Variants in NRG1 observed in about 807,000 individuals in gnomAD.
NRG1 encodes neuregulin 1, also known as pro-neuregulin-1, membrane-bound isoform.
NRG1 carries 18 observed loss-of-function variants against 63.8 expected under a neutral mutation model. The ratio of observed to expected loss-of-function variants is 0.28; its 90% CI spans 0.19 to 0.42. The LOEUF is 0.42. Ranked by LOEUF, NRG1 falls within the 10% of genes least tolerant of loss-of-function variation. The pLI is 1.00. For synonymous variants in NRG1, 302 were observed against 301.3 expected (o/e 1.00, Z -0.02); for missense variants, 762 against 814.7 (o/e 0.94, Z 0.79).
chr8:31,924,287 G>A (rs137870270), intron 1 of NRG1, among the ~76,000 whole-genome samples: 1 of 151,892 alleles, frequency 6.6e-6, no homozygotes, highest in East Asian at 1.9e-4. Flanking sequence ...GGAGGCAGAG[G>A]TTGCAGTGAG....
At chr8:31,911,439 A>G (rs1299441008) in intron 1 of NRG1, among the ~76,000 whole-genome samples, 2 of 152,188 alleles carry the variant, frequency 1.3e-5, no homozygotes, top group Admixed American at 1.3e-4. Flanking sequence ...TGGCAGGAAC[A>G]TGGATGGAGC....
chr8:31,742,427 C>G (rs1815372088), intron 1 of NRG1, among the ~76,000 whole-genome samples: 1 of 136,810 alleles, frequency 7.3e-6, no homozygotes, highest in Admixed American at 8.0e-5. Context: ...TGATATGGAA[C>G]CAGCAACGAC....
chr8:32,689,453 C>G (rs1472672289), intron 5 of NRG1, among the ~76,000 whole-genome samples: 1 of 152,078 alleles, frequency 6.6e-6, no homozygotes, highest in Non-Finnish European at 1.5e-5. Flanking sequence ...TAATAAACGG[C>G]TGTTTGTTGT....
At chr8:31,965,266 A>G (rs1806135319) in intron 1 of NRG1, among the ~76,000 whole-genome samples, 2 of 151,298 alleles carry the variant, frequency 1.3e-5, no homozygotes, top group Admixed American at 1.3e-4. Flanking sequence ...TCTGTCACCC[A>G]GGCTGAAGTG....
intron 1 of NRG1, among the ~76,000 whole-genome samples, chr8:32,419,771 G>C (rs924130449): frequency 6.6e-6 from 1 of 152,106 alleles, no homozygotes; most frequent in Non-Finnish European, 1.5e-5. Context: ...AGAATAACTA[G>C]TACAACATAA....
chr8:32,510,276 T>C (rs1450056458), intron 1 of NRG1, among the ~76,000 whole-genome samples: 2 of 148,444 alleles, frequency 1.3e-5, no homozygotes, highest in Admixed American at 6.6e-5. Flanking sequence ...GCAGAAGGAC[T>C]GCTTGAGCAC....
intron 1 of NRG1, among the ~76,000 whole-genome samples, chr8:31,877,774 G>T (rs1830041858): frequency 6.6e-6 from 1 of 152,052 alleles, no homozygotes; most frequent in African/African-American, 2.4e-5. Flanking sequence ...TCATCTCAAT[G>T]ACTAGTAAAA....
At chr8:32,141,926 G>T (rs1021047750) in intron 1 of NRG1, among the ~76,000 whole-genome samples, 1 of 152,002 alleles carries the variant, frequency 6.6e-6, no homozygotes, top group Non-Finnish European at 1.5e-5. Context: ...GTTCAGGAAA[G>T]TTCCCACTGC....
chr8:31,990,276 T>C (rs1462887), intron 1 of NRG1, among the ~76,000 whole-genome samples: 110,885 of 152,008 alleles, frequency 0.73, 41,505 homozygotes, highest in Non-Finnish European at 0.82. Context: ...CTAAGTTGCA[T>C]TTGAATTTTG....
At chr8:32,378,657 T>G (rs1809939217) in intron 1 of NRG1, among the ~76,000 whole-genome samples, 1 of 152,180 alleles carries the variant, frequency 6.6e-6, no homozygotes, top group African/African-American at 2.4e-5. Flanking sequence ...TTAGGGTACA[T>G]GTGCACAACG....
At position 32,060,825 on chromosome 8, in the gene NRG1, T is replaced by C. The variant is rs141950033; in HGVS notation, c.37+421394T>C. Among the ~76,000 whole-genome samples, 31 of 152,084 alleles carry C rather than the reference T, an allele frequency of 2.0e-4. No homozygotes were observed. The East Asian group carries it at 5.6e-3, about 28-fold the overall frequency. ...TCACCTTATAGCATATTTTAGACTCTGGTTTTCTGCCTGTTACGTTTTAAA... is the reference window on the plus strand; with the variant it reads ...TCACCTTATAGCATATTTTAGACTCCGGTTTTCTGCCTGTTACGTTTTAAA... On this transcript the variant is annotated intron_variant, in intron 1 of 10. Transcript: ENST00000519301.
intron 3 of NRG1, 74 bp downstream of exon 3, chr8:32,605,757 TA>T: frequency 6.7e-7 from 1 of 1,498,490 alleles, no homozygotes; most frequent in Non-Finnish European, 9.1e-7. Flanking sequence ...AGACTCATAA[TA>T]GACTGGTGTG....
intron 1 of NRG1, among the ~76,000 whole-genome samples, chr8:32,401,260 A>T (rs35864682): frequency 0.057 from 8,701 of 152,264 alleles, 332 homozygotes; most frequent in Middle Eastern, 0.1. Context: ...GCTTACCAAT[A>T]TAACAAACCA....
chr8:31,907,943 A>G (rs1404363412), intron 1 of NRG1, among the ~76,000 whole-genome samples: 1 of 152,128 alleles, frequency 6.6e-6, no homozygotes, highest in African/African-American at 2.4e-5. Context: ...GAAGTTCTCA[A>G]CTAATGTCTG....
intron 1 of NRG1, among the ~76,000 whole-genome samples, chr8:32,240,725 A>C (rs908731456): frequency 6.6e-6 from 1 of 152,172 alleles, no homozygotes; most frequent in Non-Finnish European, 1.5e-5. Context: ...ATTGTAAAAA[A>C]AAATGCTTTG....
At chr8:32,003,752 G>A (rs1813310427) in intron 1 of NRG1, among the ~76,000 whole-genome samples, 4 of 151,662 alleles carry the variant, frequency 2.6e-5, no homozygotes, top group Non-Finnish European at 5.9e-5. Context: ...CCTTTACCTA[G>A]CTACATTATT....
chr8:31,794,388 T>C (rs1476845090), intron 1 of NRG1, among the ~76,000 whole-genome samples: 1 of 151,796 alleles, frequency 6.6e-6, no homozygotes, highest in East Asian at 1.9e-4. Context: ...TCTAGGATAT[T>C]GTTAGCTGTT....
At chr8:32,654,765 C>T (rs1383889351) in intron 5 of NRG1, among the ~76,000 whole-genome samples, 2 of 135,322 alleles carry the variant, frequency 1.5e-5, no homozygotes, top group Non-Finnish European at 3.3e-5. Context: ...AAATGCGTTA[C>T]ATACTTAGAA....
At chr8:32,093,392 A>G (rs930301595) in intron 1 of NRG1, among the ~76,000 whole-genome samples, 1 of 152,220 alleles carries the variant, frequency 6.6e-6, no homozygotes, top group Non-Finnish European at 1.5e-5. Flanking sequence ...TTTATATTTC[A>G]ATCCTGGAAA....
Sources: allele counts gnomAD v4.1 joint callset (sites outside exome capture counted in the v4.1 genomes callset), GRCh38; gene constraint gnomAD v4.1.1; transcripts MANE v1.5; gene names NCBI Gene and HGNC (gene_info 2026-07-23, HGNC 2026-07-21).